TTN: variants seen among roughly 807,000 people sequenced by gnomAD.
The protein encoded by TTN is connectin.
TTN carries 1,525 observed loss-of-function variants against 3,223.0 expected under a neutral mutation model. That is an observed-to-expected ratio of 0.47 (90% CI 0.45 to 0.49). The LOEUF (loss-of-function observed/expected upper bound fraction) is 0.49, where lower values mean the gene tolerates loss of function less well. Ranked by LOEUF, TTN falls within the 20% of genes least tolerant of loss-of-function variation. The pLI is 0.00. For synonymous variants in TTN, 14,094 were observed against 15,161.0 expected (o/e 0.93, Z 5.17); for missense variants, 40,786 against 43,424.0 (o/e 0.94, Z 5.40).
intron 43 of TTN, among the ~76,000 whole-genome samples, chr2:178,762,795 TG>T (rs556718390): frequency 4.7e-4 from 72 of 152,382 alleles, no homozygotes; most frequent in Non-Finnish European, 8.4e-4. Flanking sequence ...TAAACATTGA[TG>T]TTTATATAAT....
At chr2:178,554,312 AT>A in intron 332 of TTN, 96 bp from the exon 333 acceptor site, 2 of 1,448,134 alleles carry the variant, frequency 1.4e-6, no homozygotes, top group Non-Finnish European at 1.9e-6. Flanking sequence ...CATTGGTTTT[AT>A]TTTTTATATT....
chr2:178,601,624 T>A, intron 286 of TTN, 34 bp downstream of exon 286: 1 of 1,582,886 alleles, frequency 6.3e-7, no homozygotes, highest in Non-Finnish European at 8.6e-7. Context: ...ATAATTTGTT[T>A]TTATTCTGTA....
chr2:178,747,384 A>G (rs765394954), intron 47 of TTN: 25 of 1,613,288 alleles, frequency 1.5e-5, no homozygotes, highest in Non-Finnish European at 1.9e-5. Context: ...GGATTAAAAT[A>G]TAAGTCAGGG....
In TTN at chr2:178,678,134, G is replaced by A; in HGVS notation, c.33985C>T (p.Pro11329Ser). ...TTACAGATTAATGTACCTTTGGGTGGTGGTGCTTCCACTTTTTTCGGAACA... is the reference window on the plus strand; with the variant it reads ...TTACAGATTAATGTACCTTTGGGTGATGGTGCTTCCACTTTTTTCGGAACA... The part of the protein sequence containing the change: ...TPVPKKVEAP[P>S]PKVPKKREPV... The change falls in exon 145 of 363, where the codon CCA (proline) becomes TCA (serine). Residue 11329 changes from proline (P) to serine (S), a missense_variant. Pro to Ser is a moderately conservative substitution (Grantham distance 74). Transcript: ENST00000589042. The A allele has an allele frequency of 6.2e-7, 1 of 1,611,164 alleles. No homozygotes were observed. The highest frequency in any genetic ancestry group is 8.5e-7 in the Non-Finnish European group (1 of 1,178,910).
In TTN at chr2:178,561,064, T is replaced by C. The variant is rs759660682; in HGVS notation, c.85068A>G (p.Arg28356=). The change falls in exon 326 of 363, where the codon AGA becomes AGG. Residue 28356 remains arginine, a synonymous_variant. Transcript: ENST00000589042. The stretch of plus-strand genomic sequence containing the variant: ...CTCGGAACTTGACATCCATCATAAC[T>C]CTTGGAGGCTCAACATCATCTTTAA... The part of the protein sequence containing the change: ...IIVKDDVEPP[R]VMMDVKFRDV... 2.2e-5 allele frequency: 35 copies of C among 1,613,762 alleles called. No individual in the cohort carries two copies. Among genetic ancestry groups the C allele is most frequent in the Middle Eastern group, 1.6e-4 (1 of 6,084 alleles).
chr2:178,557,321 G>T lies in TTN; in HGVS notation c.87941C>A (p.Ala29314Glu). The T allele has an allele frequency of 6.2e-7, 1 of 1,613,928 alleles. No homozygotes were observed. Among genetic ancestry groups the T allele is most frequent in the Non-Finnish European group, 8.5e-7 (1 of 1,179,860 alleles). The change falls in exon 329 of 363, where the codon GCA becomes GAA. Residue 29314 changes from alanine (A) to glutamate (E), a missense_variant. Transcript: ENST00000589042. ...TTTTCCAACTCCAGCAGCATTTTCT[G>T]CATACACCCTGAATTCATAAATAAG... ...AGLIYEFRVY[A>E]ENAAGVGKPS...
chr2:178,740,594 A>G lies in TTN; in HGVS notation c.12639T>C (p.Tyr4213=), dbSNP rs2082319055. The G allele has an allele frequency of 6.2e-7, 1 of 1,613,776 alleles. No individual in the cohort carries two copies. Among genetic ancestry groups the G allele is most frequent in the South Asian group, 1.1e-5 (1 of 91,088 alleles). ...KTLLAEPEGN[Y]PQSSIEPPMH... ...TTGGAGGTTCTATTGAAGACTGTGG[A>G]TAATTCCCTTCAGGTTCAGCTAATA... Residue 4213 remains tyrosine, a synonymous_variant, in exon 48 of 363, where the codon TAT becomes TAC. Transcript: ENST00000589042.
intron 125 of TTN, 81 bp downstream of exon 125, chr2:178,688,972 T>G: frequency 6.9e-7 from 1 of 1,457,510 alleles, no homozygotes; most frequent in Non-Finnish European, 9.5e-7. Context: ...ACAGACCAGA[T>G]GGAAAAAGCA....
Position 178,542,542 on chromosome 2 carries a change from C to T in TTN, c.97214G>A (p.Gly32405Glu). Residue 32405 changes from glycine to glutamate, a missense_variant, in exon 349 of 363, where the codon GGA becomes GAA. Coordinates refer to ENST00000589042, the MANE Select transcript of TTN (RefSeq NM_001267550.2). ...ATCAATTTCATCAATCTTAATAGGT[C>T]CTGTTGGTGGACCAGGCTTGTCTAT... Reference protein sequence around the residue: ...IILDKPGPPTGPIKIDEIDAT... With the variant: ...IILDKPGPPTEPIKIDEIDAT... 1.2e-6 allele frequency: 2 copies of T among 1,605,336 alleles called. No individual in the cohort carries two copies. The highest frequency in any genetic ancestry group is 1.7e-6 in the Non-Finnish European group (2 of 1,173,380).
In TTN at chr2:178,629,302, T is replaced by G. The variant is rs374419129; in HGVS notation, c.44423A>C (p.Lys14808Thr). 4.9e-5 allele frequency: 79 copies of G among 1,612,336 alleles called. 1 individual carries two copies. In the African/African-American group the frequency reaches 6.3e-4, roughly 13 times the overall value. Reference sequence around the variant, plus strand: ...AGACAAGGCATGCCTGCTTTTTACCTTATCGCTGGGCTCTAGTTTCTTCCC... The same window carrying G: ...AGACAAGGCATGCCTGCTTTTTACCGTATCGCTGGGCTCTAGTTTCTTCCC... ...LKGKKLEPSD[K>T]VVPRSEGKVH... Residue 14808 changes from lysine (K) to threonine (T), a missense_variant and splice_region_variant, in exon 240 of 363, where the codon AAG (lysine) becomes ACG (threonine). Lys to Thr is a moderately conservative substitution (Grantham distance 78). Coordinates refer to ENST00000589042, the MANE Select transcript of TTN (RefSeq NM_001267550.2).
In TTN at chr2:178,551,628, A is replaced by G. The variant is rs1699484218; in HGVS notation, c.91270+2T>C. The G allele has an allele frequency of 6.4e-7, 1 of 1,565,590 alleles. No homozygotes were observed. Among genetic ancestry groups the G allele is most frequent in the Non-Finnish European group, 8.6e-7 (1 of 1,157,392 alleles). On this transcript the variant is annotated splice_donor_variant, in intron 335 of 362. Transcript: ENST00000589042. LOFTEE classifies it high-confidence loss of function. ...AAATGTATTTGAATAATAATCACTT[A>G]CCTACTGGAGAAACAGCTAAGGTAA...
intron 273 of TTN, 130 bp from the exon 274 acceptor site, chr2:178,609,038 TAATA>T (rs2055635480): frequency 7.6e-7 from 1 of 1,311,782 alleles, no homozygotes. Context: ...TTCCATTAGC[TAATA>T]AATAACAAGA....
chr2:178,652,565 C>T (rs1411388118), intron 201 of TTN, 24 bp from the exon 202 acceptor site: 2 of 1,612,166 alleles, frequency 1.2e-6, no homozygotes, highest in South Asian at 1.1e-5. Context: ...AGTGAAATTA[C>T]ATTTAGAAGT....
rs767604791 is a variant in TTN, at chr2:178,738,289, C to T, written c.14164G>A (p.Glu4722Lys). 1 of 1,613,532 alleles carries T rather than the reference C, an allele frequency of 6.2e-7. No homozygotes were observed. The highest frequency in any genetic ancestry group is 1.1e-5 in the South Asian group (1 of 91,048). ...ALGHLAKFTCEIQSAPNVRFQ... is the reference protein window; with the variant it reads ...ALGHLAKFTCKIQSAPNVRFQ... The stretch of plus-strand genomic sequence containing the variant: ...CGGACATTGGGAGCACTTTGGATCT[C>T]ACAGGTGAATTTGGCTAGGTGGCCC... The change falls in exon 49 of 363, where the codon GAG becomes AAG. Residue 4722 changes from glutamate to lysine, a missense_variant. Physicochemically the swap from Glu to Lys is moderately conservative, Grantham distance 56 (BLOSUM62 1). Coordinates refer to ENST00000589042, the MANE Select transcript of TTN (RefSeq NM_001267550.2).
Position 178,614,212 on chromosome 2 carries a change from A to G in TTN, c.49185T>C (p.Ser16395=). 6.2e-7 allele frequency: 1 copy of G among 1,612,530 alleles called. No individual in the cohort carries two copies. The highest frequency in any genetic ancestry group is 2.2e-5 in the East Asian group (1 of 44,554). ...NYVVERRATD[S]EVWHKLSSTV... is the part of the protein sequence containing the mutation. ...TGGATGAGAGCTTGTGCCACACTTC[A>G]CTATCAGTTGCTCGTCTCTCCACAA... The change falls in exon 262 of 363, where the codon AGT becomes AGC. Residue 16395 remains serine, a synonymous_variant. Coordinates refer to ENST00000589042, the MANE Select transcript of TTN (RefSeq NM_001267550.2).
At chr2:178,783,154 C>T in intron 17 of TTN, 90 bp from the exon 18 acceptor site, 1 of 1,456,376 alleles carries the variant, frequency 6.9e-7, no homozygotes, top group South Asian at 1.2e-5. Flanking sequence ...TGAACTTATG[C>T]ATTTCAACTG....
chr2:178,581,726 G>C lies in TTN; in HGVS notation c.66542C>G (p.Ala22181Gly), dbSNP rs1187714227. 2 of 1,609,938 alleles carry C rather than the reference G, an allele frequency of 1.2e-6. No homozygotes were observed. The highest frequency in any genetic ancestry group is 1.3e-5 in the African/African-American group (1 of 74,852). Residue 22181 changes from alanine to glycine, a missense_variant, in exon 316 of 363, where the codon GCC becomes GGC. Transcript: ENST00000589042. ...AATGATAGGGCTGCCGCCGTCATAG[G>C]CTGGCTTGCCCCAAGATAGACTCAC... Reference protein sequence around the residue: ...SSVSLSWGKPAYDGGSPIIGY... With the variant: ...SSVSLSWGKPGYDGGSPIIGY...
intron 158 of TTN, 66 bp downstream of exon 158, chr2:178,669,526 T>C: frequency 6.3e-7 from 1 of 1,596,024 alleles, no homozygotes; most frequent in Non-Finnish European, 8.6e-7. Context: ...GTCACACACA[T>C]TCACTTTAAA....
chr2:178,804,400 G>A (rs751058856), intron 2 of TTN, 152 bp downstream of exon 2: 2 of 714,606 alleles, frequency 2.8e-6, no homozygotes, highest in African/African-American at 1.7e-5. Context: ...CTCTGTGAAT[G>A]GTATACCCTT....
Sources: allele counts gnomAD v4.1 joint callset (sites outside exome capture counted in the v4.1 genomes callset), GRCh38; gene constraint gnomAD v4.1.1; transcripts MANE v1.5; gene names NCBI Gene and HGNC (gene_info 2026-07-23, HGNC 2026-07-21).